RIOX2: variants seen among roughly 807,000 people sequenced by gnomAD.
RIOX2 encodes ribosomal oxygenase 2, also known as 60S ribosomal protein L27a histidine hydroxylase.
Under a neutral mutation model 51.2 loss-of-function variants are expected in RIOX2, and 43 were observed. That is an observed-to-expected ratio of 0.84 (90% confidence interval 0.66 to 1.08). The LOEUF (loss-of-function observed/expected upper bound fraction) is 1.08. Ranked by LOEUF, RIOX2 falls within the 50% of genes least tolerant of loss-of-function variation. The probability of loss-of-function intolerance (pLI) is 0.00; values close to 1 mark genes in which losing one functional copy is unlikely to be tolerated. For missense variants in RIOX2, 566 were observed against 561.7 expected (o/e 1.01, Z -0.08); for synonymous variants, 226 against 218.5 (o/e 1.03, Z -0.30).
rs2040324824 is a variant in RIOX2 at position 97,945,170 on chromosome 3, A to C, written c.*14T>G. ...ATGCATATAAAATAGTAGGCATTTG[A>C]TTCTGCAAAGGCACTAGACTACTTG... On this transcript the variant is annotated 3_prime_UTR_variant, in exon 10 of 10. Transcript: ENST00000394198. 1.9e-6 allele frequency: 3 copies of C among 1,590,658 alleles called. No individual in the cohort carries two copies. In the East Asian group the frequency reaches 6.7e-5, roughly 36 times the overall value.
intron 3 of RIOX2, 83 bp downstream of exon 3, chr3:97,961,506 T>C: frequency 7.0e-7 from 1 of 1,438,362 alleles, no homozygotes; most frequent in Non-Finnish European, 9.3e-7. Flanking sequence ...GAGAATAATG[T>C]GAACTCACCC....
intron 4 of RIOX2, among the ~76,000 whole-genome samples, chr3:97,956,530 C>G (rs1034781766): frequency 6.8e-6 from 1 of 147,926 alleles, no homozygotes; most frequent in African/African-American, 2.5e-5. Context: ...GAGTTTCGTT[C>G]TTGTTGCCCA....
chr3:97,969,360 A>C (rs1706031141), intron 1 of RIOX2, among the ~76,000 whole-genome samples: 2 of 152,246 alleles, frequency 1.3e-5, no homozygotes, highest in South Asian at 4.1e-4. Flanking sequence ...CAGCATTGCT[A>C]GTACATGGAA....
rs920596896 is a variant in RIOX2 at position 97,967,692 on chromosome 3, G to C, written c.-39-60C>G. The C allele has an allele frequency of 3.3e-6, 4 of 1,216,728 alleles. No homozygotes were observed. In the African/African-American group the frequency reaches 6.1e-5, roughly 18 times the overall value. 75.4% of individuals were successfully genotyped at this position (1,216,728 alleles called of 1,614,324 possible). A position where few individuals can be genotyped will look rare whatever the true frequency, so the allele number is the denominator to read the frequency against. On this transcript the variant is annotated intron_variant, in intron 1 of 9. Coordinates refer to ENST00000394198, the MANE Select transcript of RIOX2 (RefSeq NM_153182.4). ...ACAAGGAGTGCCAGCATTGGTGTTA[G>C]TGGATCGCGCGCACACACAACTGAA...
chr3:97,949,335 C>A lies in RIOX2; in HGVS notation c.1060+509G>T, dbSNP rs1705144701. Reference sequence around the variant, plus strand: ...GTTCTGCAAATGCCAGCTCCCTTTCCCCTTCCACTGTGAGTAGCCTGAGGT... The same window carrying A: ...GTTCTGCAAATGCCAGCTCCCTTTCACCTTCCACTGTGAGTAGCCTGAGGT... On this transcript the variant is annotated intron_variant, in intron 7 of 9. Transcript: ENST00000394198. Among the ~76,000 whole-genome samples, 5 of 152,214 alleles carry A rather than the reference C, an allele frequency of 3.3e-5. No homozygotes were observed. The South Asian group carries it at 1.0e-3, about 32-fold the overall frequency.
At chr3:97,955,432 A>C (rs376936646) in intron 4 of RIOX2, among the ~76,000 whole-genome samples, 1 of 152,234 alleles carries the variant, frequency 6.6e-6, no homozygotes, top group African/African-American at 2.4e-5. Flanking sequence ...AGGGCAGCTC[A>C]TCTTCTCTCT....
At chr3:97,967,762 T>G (rs1458359567) in intron 1 of RIOX2, 130 bp from the exon 2 acceptor site, 1 of 629,904 alleles carries the variant, frequency 1.6e-6, no homozygotes, top group East Asian at 2.8e-5. Context: ...TCAAAGCTAC[T>G]TCCCCCAGGA....
chr3:97,966,660 G>A (rs1705903051), intron 2 of RIOX2, among the ~76,000 whole-genome samples: 1 of 152,170 alleles, frequency 6.6e-6, no homozygotes, highest in South Asian at 2.1e-4. Context: ...GTTATTAAGG[G>A]TGAAGTCTCT....
chr3:97,957,311 A>G (rs1431280313), intron 4 of RIOX2, among the ~76,000 whole-genome samples: 1 of 152,110 alleles, frequency 6.6e-6, no homozygotes, highest in East Asian at 1.9e-4. Flanking sequence ...AGCCTGGCCA[A>G]CATGGTGAAA....
rs879007909 is a variant in RIOX2 at position 97,942,111 on chromosome 3, C to T, written c.*3073G>A. ...TTCTGTACCATCTCCTACCCACAGC[C>T]GTAAAGAAGACATTAAAAAAGGCTT... On this transcript the variant is annotated 3_prime_UTR_variant, in exon 10 of 10. Coordinates refer to ENST00000394198, the MANE Select transcript of RIOX2 (RefSeq NM_153182.4). 9.7e-5 allele frequency: 43 copies of T among 441,504 alleles called. No individual in the cohort carries two copies. The highest frequency in any genetic ancestry group is 6.9e-4 in the African/African-American group (34 of 49,458). The allele number at this position is 441,504 out of a possible 1,614,324, so 27.3% of individuals were successfully genotyped here.
chr3:97,945,732 A>T lies in RIOX2; in HGVS notation c.1239+66T>A, dbSNP rs2040339355. On this transcript the variant is annotated intron_variant, in intron 9 of 9. Transcript: ENST00000394198. ...AAAGCATATTACCTGTAAATCAAAA[A>T]TAATCAATTCTTCCCAACCACCACC... The T allele has an allele frequency of 3.2e-6, 4 of 1,252,108 alleles. No individual in the cohort carries two copies. The South Asian group carries it at 4.9e-5, about 15-fold the overall frequency. 77.6% of individuals were successfully genotyped at this position (1,252,108 alleles called of 1,614,324 possible). A position where few individuals can be genotyped will look rare whatever the true frequency, so the allele number is the denominator to read the frequency against.
At chr3:97,955,803 A>T (rs1705430335) in intron 4 of RIOX2, among the ~76,000 whole-genome samples, 1 of 152,182 alleles carries the variant, frequency 6.6e-6, no homozygotes, top group African/African-American at 2.4e-5. Context: ...TAGGTAGTAT[A>T]GTGTACTACC....
At position 97,967,548 on chromosome 3, in the gene RIOX2, G is replaced by A. The variant is rs747731494; in HGVS notation, c.46C>T (p.Pro16Ser). The change falls in exon 2 of 10, where the codon CCG becomes TCG. Residue 16 changes from proline (P) to serine (S), a missense_variant. By Grantham distance (74) the Pro-to-Ser change is moderately conservative (BLOSUM62 -1). Coordinates refer to ENST00000394198, the MANE Select transcript of RIOX2 (RefSeq NM_153182.4). Reference protein sequence around the residue: ...KPTGSGKEEGPAPCKQMKLEA... With the variant: ...KPTGSGKEEGSAPCKQMKLEA... ...AACTTCATCTGCTTACAGGGAGCCG[G>A]CCCCTCTTCCTTCCCACTCCCTGTA... 1 of 1,611,288 alleles carries A rather than the reference G, an allele frequency of 6.2e-7. No individual in the cohort carries two copies. Among genetic ancestry groups the A allele is most frequent in the Non-Finnish European group, 8.5e-7 (1 of 1,179,140 alleles).
chr3:97,963,280 T>C (rs1228984825), intron 2 of RIOX2, among the ~76,000 whole-genome samples: 1 of 152,160 alleles, frequency 6.6e-6, no homozygotes, highest in Non-Finnish European at 1.5e-5. Context: ...CATGCTACCA[T>C]GCCCGGCTAA....
intron 1 of RIOX2, among the ~76,000 whole-genome samples, chr3:97,969,237 A>G (rs1706027706): frequency 6.6e-6 from 1 of 152,110 alleles, no homozygotes; most frequent in South Asian, 2.1e-4. Flanking sequence ...AAAAAAATAA[A>G]CTTTAGTGTT....
At chr3:97,959,283 T>A in intron 3 of RIOX2, 104 bp from the exon 4 acceptor site, 1 of 862,724 alleles carries the variant, frequency 1.2e-6, no homozygotes, top group Non-Finnish European at 1.7e-6. Context: ...GACAAATATA[T>A]AGGTGAACCT....
chr3:97,959,305 GGT>G, intron 3 of RIOX2, 126 bp from the exon 4 acceptor site: 4 of 423,452 alleles, frequency 9.4e-6, no homozygotes, highest in South Asian at 5.9e-5. Flanking sequence ...GAACAACACA[GGT>G]TTTTTTTTTT....
rs1430856006 is a variant in RIOX2, at chr3:97,967,051, C to T, written c.432+111G>A. ...CAAAGAGGTGCTACCCCTTCTCAAA[C>T]TGGCAAGAGACTAACCATCATCAAA... is the stretch of plus-strand genomic sequence containing the variant. On this transcript the variant is annotated intron_variant, in intron 2 of 9. Transcript: ENST00000394198. The T allele has an allele frequency of 2.6e-6, 3 of 1,150,910 alleles. No individual in the cohort carries two copies. In the East Asian group the frequency reaches 7.0e-5, roughly 27 times the overall value. The allele number at this position is 1,150,910 out of a possible 1,614,324, so 71.3% of individuals were successfully genotyped here.
intron 3 of RIOX2, 25 bp from the exon 4 acceptor site, chr3:97,959,204 CATCAGAGAG>C: frequency 6.2e-7 from 1 of 1,603,382 alleles, no homozygotes; most frequent in Non-Finnish European, 8.5e-7. Flanking sequence ...GGCCCAGGAG[CATCAGAGAG>C]CTTCCTGACA....
Sources: gnomAD v4.1 joint callset for allele counts (sites outside exome capture counted in the v4.1 genomes callset) on GRCh38, gnomAD v4.1.1 for gene constraint, MANE v1.5 for transcripts, NCBI Gene and HGNC (gene_info 2026-07-23, HGNC 2026-07-21) for gene names.